Variants in KCNMA1 observed in about 807,000 individuals in gnomAD.
The protein encoded by KCNMA1 is Calcium-activated potassium channel subunit alpha-1.
KCNMA1 carries 29 observed loss-of-function variants against 140.0 expected under a neutral mutation model. The observed-to-expected ratio is 0.21, with a 90% CI of 0.15 to 0.28. The LOEUF (loss-of-function observed/expected upper bound fraction) is 0.28, where lower values mean the gene tolerates loss of function less well. Among genes scored for constraint, KCNMA1 ranks in the 10% least tolerant of loss-of-function variants. The probability of loss-of-function intolerance (pLI) is 1.00; values close to 1 mark genes in which losing one functional copy is unlikely to be tolerated. For synonymous variants in KCNMA1, 612 were observed against 611.9 expected, an observed-to-expected ratio of 1.00 and a Z score of 0.00; for missense variants, 880 against 1,602.2, an observed-to-expected ratio of 0.55 and a Z score of 7.70.
At chr10:77,437,259 A>T (rs1451537925) in intron 1 of KCNMA1, among the ~76,000 whole-genome samples, 2 of 152,112 alleles carry the variant, frequency 1.3e-5, no homozygotes, top group African/African-American at 4.8e-5. Flanking sequence ...GTGGGAAAGG[A>T]TGGAGGGTAA....
At chr10:77,254,065 C>T (rs1418757347) in intron 2 of KCNMA1, among the ~76,000 whole-genome samples, 1 of 152,092 alleles carries the variant, frequency 6.6e-6, no homozygotes, top group Non-Finnish European at 1.5e-5. Flanking sequence ...TGTCTGAGAA[C>T]TCTAAGTTTG....
intron 1 of KCNMA1, among the ~76,000 whole-genome samples, chr10:77,574,108 T>C (rs931360905): frequency 4.6e-5 from 7 of 152,174 alleles, no homozygotes; most frequent in African/African-American, 1.7e-4. Context: ...AGTGCTGGGA[T>C]TACAGGCATG....
intron 1 of KCNMA1, among the ~76,000 whole-genome samples, chr10:77,455,330 A>T (rs1445234828): frequency 6.6e-6 from 1 of 152,182 alleles, no homozygotes; most frequent in East Asian, 1.9e-4. Context: ...CAGGACTCCT[A>T]GACCCAAGCC....
chr10:77,329,035 T>C (rs2085309700), intron 2 of KCNMA1, among the ~76,000 whole-genome samples: 1 of 151,902 alleles, frequency 6.6e-6, no homozygotes, highest in African/African-American at 2.4e-5. Context: ...ATGGACAGGG[T>C]TTCACCATGT....
At chr10:76,918,072 TTA>T (rs1267202317) in intron 23 of KCNMA1, among the ~76,000 whole-genome samples, 1 of 152,166 alleles carries the variant, frequency 6.6e-6, no homozygotes, top group African/African-American at 2.4e-5. Flanking sequence ...CTCCTTCCCA[TTA>T]TTGCTTGCAG....
At chr10:77,270,769 C>T (rs913734448) in intron 2 of KCNMA1, among the ~76,000 whole-genome samples, 6 of 151,828 alleles carry the variant, frequency 4.0e-5, no homozygotes, top group East Asian at 3.9e-4. Context: ...GGATTACAGG[C>T]GTTGAGGCAC....
At chr10:77,078,186 G>A (rs765695132) in intron 13 of KCNMA1, 5 of 152,322 alleles carry the variant, frequency 3.3e-5, no homozygotes, top group Middle Eastern at 6.8e-3. Context: ...CCCATAAGAG[G>A]GGGTACGCTG....
chr10:76,954,383 C>G (rs2067408828), intron 20 of KCNMA1, among the ~76,000 whole-genome samples: 1 of 152,224 alleles, frequency 6.6e-6, no homozygotes, highest in South Asian at 2.1e-4. Flanking sequence ...TGCTGACTGA[C>G]TGGCATGAGG....
intron 13 of KCNMA1, among the ~76,000 whole-genome samples, chr10:77,079,096 C>T (rs866239152): frequency 2.6e-5 from 4 of 152,042 alleles, no homozygotes; most frequent in Non-Finnish European, 4.4e-5. Flanking sequence ...CATGCAGAAA[C>T]CCCATCTCTA....
At position 77,444,806 on chromosome 10, in the gene KCNMA1, G is replaced by A. The variant is rs559064592; in HGVS notation, c.379-40783C>T. On this transcript the variant is annotated intron_variant, in intron 1 of 27. Coordinates refer to ENST00000286628, the MANE Select transcript of KCNMA1 (RefSeq NM_001161352.2). ...CTCTTTGAAGGTGGATTCCCCCACC[G>A]AGCAAGAGGAAAAACACACCCAAGA... Among the ~76,000 whole-genome samples the A allele has an allele frequency of 7.2e-5, 11 of 152,216 alleles. No homozygotes were observed. In the South Asian group the frequency reaches 2.3e-3, roughly 32 times the overall value.
intron 5 of KCNMA1, among the ~76,000 whole-genome samples, chr10:77,144,208 T>C (rs978250763): frequency 6.6e-6 from 1 of 152,182 alleles, no homozygotes; most frequent in African/African-American, 2.4e-5. Flanking sequence ...CAAATTGTGG[T>C]ATATCCCATA....
intron 19 of KCNMA1, chr10:76,995,463 C>T (rs1185724525): frequency 4.7e-6 from 2 of 429,104 alleles, no homozygotes; most frequent in African/African-American, 2.1e-5. Flanking sequence ...CTAATTCAAA[C>T]CTCTGCTTGT....
In KCNMA1 at chr10:76,885,921, C is replaced by T; in HGVS notation, c.*1345G>A. Reference sequence around the variant, plus strand: ...GTTGCACTCTTCTTATCCCACGTCTCATAATGACAAGGAGCAGCTCTCTAT... The same window carrying T: ...GTTGCACTCTTCTTATCCCACGTCTTATAATGACAAGGAGCAGCTCTCTAT... On this transcript the variant is annotated 3_prime_UTR_variant, in exon 28 of 28. Transcript: ENST00000286628. The T allele has an allele frequency of 1.2e-5, 12 of 985,444 alleles. No individual in the cohort carries two copies. Among genetic ancestry groups the T allele is most frequent in the Non-Finnish European group, 1.4e-5 (12 of 829,914 alleles). 61.0% of individuals were successfully genotyped at this position (985,444 alleles called of 1,614,324 possible).
chr10:76,925,790 C>G (rs2057491863), intron 23 of KCNMA1, among the ~76,000 whole-genome samples: 1 of 152,150 alleles, frequency 6.6e-6, no homozygotes, highest in South Asian at 2.1e-4. Flanking sequence ...GAAACCAGAA[C>G]TCCAAAATCA....
chr10:76,922,393 G>A (rs1419279983), intron 23 of KCNMA1, among the ~76,000 whole-genome samples: 2 of 152,030 alleles, frequency 1.3e-5, no homozygotes, highest in African/African-American at 4.8e-5. Flanking sequence ...GTGTTTGTTG[G>A]GGGTGCAGGG....
Position 77,088,416 on chromosome 10 carries a change from A to G in KCNMA1, c.1335-1823T>C, listed in dbSNP as rs570471521. Among the ~76,000 whole-genome samples the G allele has an allele frequency of 2.4e-4, 37 of 152,132 alleles. No individual in the cohort carries two copies. In the South Asian group the frequency reaches 2.5e-3, roughly 10 times the overall value. On this transcript the variant is annotated intron_variant, in intron 10 of 27. Coordinates refer to ENST00000286628, the MANE Select transcript of KCNMA1 (RefSeq NM_001161352.2). Reference sequence around the variant, plus strand: ...AAAGGTGAATCCTAGCAATGGAAGCATGAGCAGCCAGTTTTTGTTTTGTTT... The same window carrying G: ...AAAGGTGAATCCTAGCAATGGAAGCGTGAGCAGCCAGTTTTTGTTTTGTTT...
chr10:77,446,345 C>A (rs919658114), intron 1 of KCNMA1, among the ~76,000 whole-genome samples: 15 of 152,192 alleles, frequency 9.9e-5, no homozygotes, highest in African/African-American at 3.6e-4. Context: ...AGATGCCCAG[C>A]AAATATGGGT....
chr10:77,367,032 A>G lies in KCNMA1; in HGVS notation c.540+36830T>C, dbSNP rs150129273. On this transcript the variant is annotated intron_variant, in intron 2 of 27. Coordinates refer to ENST00000286628, the MANE Select transcript of KCNMA1 (RefSeq NM_001161352.2). ...AGCCTGTGTTCCTAGGGAGAGAAAC[A>G]TCTGAAAAGTGAAAGAACATGAGAG... Among the ~76,000 whole-genome samples the G allele has an allele frequency of 2.2e-4, 34 of 152,356 alleles. 2 individuals carry two copies. The East Asian group carries it at 6.4e-3, about 29-fold the overall frequency.
At chr10:77,110,600 A>G (rs561539641) in intron 7 of KCNMA1, among the ~76,000 whole-genome samples, 3 of 152,300 alleles carry the variant, frequency 2.0e-5, no homozygotes, top group East Asian at 3.9e-4. Flanking sequence ...AAGAAGGGAA[A>G]TATCTCTAGG....
Sources: gnomAD v4.1 joint callset for allele counts (sites outside exome capture counted in the v4.1 genomes callset) on GRCh38, gnomAD v4.1.1 for gene constraint, MANE v1.5 for transcripts, NCBI Gene and HGNC (gene_info 2026-07-23, HGNC 2026-07-21) for gene names.